The following KIAA1217 variants were observed in gnomAD, a reference collection of about 807,000 sequenced individuals.
KIAA1217 encodes the protein KIAA1217.
A neutral mutation model predicts 163.9 loss-of-function variants in KIAA1217; 88 were observed. The observed-to-expected ratio is 0.54, with a 90% CI of 0.45 to 0.64. KIAA1217 has a LOEUF of 0.64. Ranked by LOEUF, KIAA1217 falls within the 30% of genes least tolerant of loss-of-function variation. The probability of loss-of-function intolerance (pLI) is 0.00; values close to 1 mark genes in which losing one functional copy is unlikely to be tolerated. For missense variants in KIAA1217, 2,372 were observed against 2,475.0 expected (o/e 0.96, Z 0.88); for synonymous variants, 903 against 923.1 (o/e 0.98, Z 0.39).
intron 1 of KIAA1217, among the ~76,000 whole-genome samples, chr10:23,716,095 C>T (rs534227022): frequency 6.6e-5 from 10 of 152,170 alleles, no homozygotes; most frequent in African/African-American, 1.7e-4. Flanking sequence ...TTCTGACTAA[C>T]GCTGCATGCA....
chr10:23,876,088 T>C (rs1003931769), intron 1 of KIAA1217, among the ~76,000 whole-genome samples: 2 of 150,466 alleles, frequency 1.3e-5, no homozygotes, highest in African/African-American at 4.9e-5. Context: ...CCCTAGAACT[T>C]AAAGTATAAT....
At chr10:23,737,511 G>A (rs1365663020) in intron 1 of KIAA1217, among the ~76,000 whole-genome samples, 1 of 152,066 alleles carries the variant, frequency 6.6e-6, no homozygotes, top group East Asian at 1.9e-4. Flanking sequence ...CGTTTTAATA[G>A]AAGTTTAGTC....
At chr10:24,510,068 AC>A (rs746192878) in intron 9 of KIAA1217, among the ~76,000 whole-genome samples, 1 of 152,148 alleles carries the variant, frequency 6.6e-6, no homozygotes, top group Non-Finnish European at 1.5e-5. Flanking sequence ...TTGGGTACCT[AC>A]CATGTGCCAC....
At chr10:24,065,561 A>T (rs1385714620) in intron 2 of KIAA1217, among the ~76,000 whole-genome samples, 2 of 152,200 alleles carry the variant, frequency 1.3e-5, no homozygotes, top group Non-Finnish European at 2.9e-5. Context: ...TTTACTTCCA[A>T]CTATGTGGTC....
chr10:24,094,834 G>A (rs2062083942), intron 2 of KIAA1217, among the ~76,000 whole-genome samples: 2 of 152,238 alleles, frequency 1.3e-5, no homozygotes, highest in African/African-American at 4.8e-5. Context: ...CCTGCCCCCA[G>A]AGGTGGAGCC....
In KIAA1217 at chr10:24,363,280, C is replaced by T. The variant is rs892117100; in HGVS notation, c.355-17589C>T. 2.6e-5 allele frequency among the ~76,000 whole-genome samples: 4 copies of T among 152,132 alleles called. No homozygotes were observed. In the South Asian group the frequency reaches 8.3e-4, roughly 32 times the overall value. Reference sequence around the variant, plus strand: ...CAATATTTATTATTCTTGAGCAATTCTTCTCAGACTCATCAGCATTAGGAA... The same window carrying T: ...CAATATTTATTATTCTTGAGCAATTTTTCTCAGACTCATCAGCATTAGGAA... On this transcript the variant is annotated intron_variant, in intron 2 of 20. Transcript: ENST00000376454.
chr10:23,893,523 C>T (rs1841510457), intron 1 of KIAA1217, among the ~76,000 whole-genome samples: 1 of 151,814 alleles, frequency 6.6e-6, no homozygotes, highest in African/African-American at 2.4e-5. Flanking sequence ...TTATTTCTTG[C>T]CTTCTGCTAG....
intron 4 of KIAA1217, among the ~76,000 whole-genome samples, chr10:24,435,150 T>G (rs2059922898): frequency 6.6e-6 from 1 of 152,222 alleles, no homozygotes; most frequent in Non-Finnish European, 1.5e-5. Context: ...TGTGCCCAGG[T>G]GTATGAGTAA....
At chr10:23,789,677 T>C (rs887925860) in intron 1 of KIAA1217, among the ~76,000 whole-genome samples, 1 of 152,052 alleles carries the variant, frequency 6.6e-6, no homozygotes, top group Non-Finnish European at 1.5e-5. Flanking sequence ...CTTTTCAGAC[T>C]GTACCTGATA....
chr10:24,187,443 T>C (rs908266192), intron 2 of KIAA1217, among the ~76,000 whole-genome samples: 5 of 152,230 alleles, frequency 3.3e-5, no homozygotes, highest in Non-Finnish European at 7.3e-5. Context: ...CTCATTAATA[T>C]GTTCTGCACT....
At chr10:23,941,255 A>G (rs369797357) in intron 1 of KIAA1217, among the ~76,000 whole-genome samples, 4 of 152,248 alleles carry the variant, frequency 2.6e-5, no homozygotes, top group African/African-American at 9.6e-5. Context: ...TAAACAGGGA[A>G]AACATCATTT....
At chr10:24,361,819 C>CA (rs1196748864) in intron 2 of KIAA1217, among the ~76,000 whole-genome samples, 5 of 151,464 alleles carry the variant, frequency 3.3e-5, no homozygotes, top group Non-Finnish European at 7.4e-5. Context: ...ACTAAAAATA[C>CA]AAAAAATTAG....
chr10:24,097,077 G>A (rs1307303136), intron 2 of KIAA1217, among the ~76,000 whole-genome samples: 2 of 152,148 alleles, frequency 1.3e-5, no homozygotes, highest in African/African-American at 2.4e-5. Flanking sequence ...TGTGTTAAAA[G>A]CATTAACATG....
chr10:24,082,302 T>C (rs1038617539), intron 2 of KIAA1217, among the ~76,000 whole-genome samples: 2 of 152,100 alleles, frequency 1.3e-5, no homozygotes, highest in African/African-American at 4.8e-5. Flanking sequence ...GCTACATAGA[T>C]AAAAATGTGC....
intron 1 of KIAA1217, among the ~76,000 whole-genome samples, chr10:23,867,822 G>A (rs1009033746): frequency 2.4e-4 from 37 of 152,074 alleles, no homozygotes; most frequent in South Asian, 1.9e-3. Flanking sequence ...CTCTGATGGT[G>A]GTTTCTTTTG....
rs56348020 is a variant in KIAA1217 at position 24,227,143 on chromosome 10, GATT to G, written c.354+7255_354+7257del. Among the ~76,000 whole-genome samples the G allele has an allele frequency of 6.0e-5, 9 of 148,880 alleles. No homozygotes were observed. In the South Asian group the frequency reaches 8.6e-4, roughly 14 times the overall value. ...ACAAAGAGTAAGAGAGATATAAAGG[GATT>G]ATTATTATTATTATTATTATCATTA... is the stretch of plus-strand genomic sequence containing the variant. On this transcript the variant is annotated intron_variant, in intron 2 of 20. Transcript: ENST00000376454.
chr10:23,935,395 G>T (rs1024333832), intron 1 of KIAA1217, among the ~76,000 whole-genome samples: 1 of 152,160 alleles, frequency 6.6e-6, no homozygotes, highest in African/African-American at 2.4e-5. Context: ...AGAGCTGCTA[G>T]CAAACATCTT....
intron 2 of KIAA1217, among the ~76,000 whole-genome samples, chr10:24,183,438 T>A (rs76108267): frequency 1.2e-3 from 186 of 152,330 alleles, no homozygotes; most frequent in African/African-American, 4.0e-3. Flanking sequence ...CTGCTTCTCA[T>A]TCATCTTCAG....
At chr10:23,722,168 G>T (rs574135456) in intron 1 of KIAA1217, among the ~76,000 whole-genome samples, 22 of 152,284 alleles carry the variant, frequency 1.4e-4, no homozygotes, top group South Asian at 6.2e-4. Context: ...TAGAATGGTG[G>T]TTCCCTGAGG....
Sources: gnomAD v4.1 joint callset for allele counts (sites outside exome capture counted in the v4.1 genomes callset) on GRCh38, gnomAD v4.1.1 for gene constraint, MANE v1.5 for transcripts, NCBI Gene and HGNC (gene_info 2026-07-23, HGNC 2026-07-21) for gene names.